The following XRCC4 variants were observed in gnomAD, a reference collection of about 807,000 sequenced individuals.
The protein encoded by XRCC4 is X-ray repair cross complementing 4.
In XRCC4, 28 loss-of-function variants were observed where a neutral mutation model predicts 39.1. The observed-to-expected ratio is 0.72, with a 90% CI of 0.53 to 0.98. The LOEUF is 0.98. XRCC4 is among the 50% of genes least tolerant of loss of function. The probability of loss-of-function intolerance (pLI) is 0.00; values close to 1 mark genes in which losing one functional copy is unlikely to be tolerated. For missense variants in XRCC4, 350 were observed against 376.4 expected (o/e 0.93, Z 0.58); for synonymous variants, 123 against 126.4 (o/e 0.97, Z 0.18).
At chr5:83,361,623 C>CTT in the XRCC4 span, among the ~76,000 whole-genome samples, 2 of 144,826 alleles carry the variant, frequency 1.4e-5, no homozygotes, top group African/African-American at 2.5e-5. Context: ...TTTTATTTTT[C>CTT]TTTTTTTTTT....
intron 3 of XRCC4, among the ~76,000 whole-genome samples, chr5:83,144,271 G>C (rs1413529101): frequency 8.8e-6 from 1 of 113,794 alleles, no homozygotes; most frequent in African/African-American, 4.9e-5. Flanking sequence ...ATTCCTCTGT[G>C]TGTGTGTGTG....
chr5:83,103,247 CTGTT>C lies in XRCC4; in HGVS notation c.-10-1658_-10-1655del, dbSNP rs987786264. 5.3e-5 allele frequency among the ~76,000 whole-genome samples: 8 copies of C among 151,830 alleles called. 1 individual carries two copies. Among genetic ancestry groups the C allele is most frequent in the African/African-American group, 1.7e-4 (7 of 41,318 alleles). On this transcript the variant is annotated intron_variant, in intron 1 of 7. Transcript: ENST00000396027. ...TAGAATTTTTATATTATGTGGTTGT[CTGTT>C]TGTTCAAGTAATGAAGTTCTTGTGC...
At chr5:83,363,193 T>G in the XRCC4 span, among the ~76,000 whole-genome samples, 2 of 151,864 alleles carry the variant, frequency 1.3e-5, no homozygotes, top group African/African-American at 4.8e-5. Context: ...ATAGATGAAG[T>G]TTGAGCTGAA....
intron 3 of XRCC4, among the ~76,000 whole-genome samples, chr5:83,144,186 T>G (rs183843611): frequency 4.3e-4 from 65 of 152,160 alleles, no homozygotes; most frequent in African/African-American, 1.5e-3. Flanking sequence ...GTTACTTCAC[T>G]TAGAATAATG....
intron 7 of XRCC4, chr5:83,310,670 T>G (rs1278945458): frequency 2.5e-6 from 1 of 406,232 alleles, no homozygotes; most frequent in African/African-American, 2.1e-5. Flanking sequence ...AATCTGTGAA[T>G]GTTAGCTTTT....
chr5:83,292,893 G>A (rs28360274), intron 7 of XRCC4, among the ~76,000 whole-genome samples: 1 of 151,852 alleles, frequency 6.6e-6, no homozygotes, highest in Admixed American at 6.6e-5. Context: ...AAAAGAAGAA[G>A]TTAAGTCTTA....
At chr5:83,219,825 G>A (rs372112578) in intron 6 of XRCC4, among the ~76,000 whole-genome samples, 117 of 152,220 alleles carry the variant, frequency 7.7e-4, no homozygotes, top group African/African-American at 2.5e-3. Flanking sequence ...AGTTAAACAC[G>A]TATTAATATC....
At chr5:83,316,885 A>G (rs1400097975) in intron 7 of XRCC4, among the ~76,000 whole-genome samples, 6 of 52,896 alleles carry the variant, frequency 1.1e-4, no homozygotes, top group African/African-American at 3.2e-4. Context: ...TCCACCCCAA[A>G]TCAACAGAAT....
intron 3 of XRCC4, among the ~76,000 whole-genome samples, chr5:83,135,870 G>C (rs1747873383): frequency 6.6e-6 from 1 of 151,656 alleles, no homozygotes; most frequent in African/African-American, 2.4e-5. Flanking sequence ...TGTTATTTTT[G>C]GTTTTGATAG....
At chr5:83,082,244 A>G (rs1318281565) in intron 1 of XRCC4, among the ~76,000 whole-genome samples, 2 of 152,190 alleles carry the variant, frequency 1.3e-5, no homozygotes, top group Non-Finnish European at 2.9e-5. Context: ...TTTAAAATAT[A>G]AATAAAAAAT....
At chr5:83,110,585 C>G (rs1327264094) in intron 2 of XRCC4, among the ~76,000 whole-genome samples, 2 of 151,936 alleles carry the variant, frequency 1.3e-5, no homozygotes, top group Non-Finnish European at 2.9e-5. Context: ...ATAGTGAGCT[C>G]CACTTTTGCT....
chr5:83,270,562 A>T (rs2112927937), intron 7 of XRCC4, among the ~76,000 whole-genome samples: 1 of 152,042 alleles, frequency 6.6e-6, no homozygotes, highest in African/African-American at 2.4e-5. Context: ...TTTTCCACAT[A>T]GTGAACTTCT....
intron 6 of XRCC4, among the ~76,000 whole-genome samples, chr5:83,243,926 T>A (rs1382365204): frequency 5.3e-5 from 8 of 152,170 alleles, no homozygotes; most frequent in Admixed American, 3.9e-4. Context: ...TTAGAATCCC[T>A]GCTGCATGCC....
chr5:83,339,900 T>C (rs751453964), intron 7 of XRCC4, among the ~76,000 whole-genome samples: 12 of 152,306 alleles, frequency 7.9e-5, no homozygotes, highest in South Asian at 2.1e-4. Flanking sequence ...AAGTTCAGCA[T>C]TACTTCTGCC....
At chr5:83,081,980 T>G (rs1412654644) in intron 1 of XRCC4, among the ~76,000 whole-genome samples, 1 of 152,152 alleles carries the variant, frequency 6.6e-6, no homozygotes, top group East Asian at 1.9e-4. Context: ...AGTTAAATCT[T>G]TGGAGTCATC....
intron 6 of XRCC4, among the ~76,000 whole-genome samples, chr5:83,231,415 G>C (rs1375373371): frequency 1.3e-5 from 2 of 152,072 alleles, no homozygotes; most frequent in African/African-American, 4.8e-5. Flanking sequence ...CCAGTGCTGT[G>C]CACACAGTAG....
rs182583294 is a variant in XRCC4, at chr5:83,194,010, T to C, written c.316-1760T>C. Among the ~76,000 whole-genome samples, 369 of 152,322 alleles carry C rather than the reference T, an allele frequency of 2.4e-3. 1 individual carries two copies. The highest frequency in any genetic ancestry group is 8.5e-3 in the African/African-American group (352 of 41,594). On this transcript the variant is annotated intron_variant, in intron 3 of 7. Transcript: ENST00000396027. Reference sequence around the variant, plus strand: ...GTGCAGTGGCACAATCTAGGCTCACTGCAACCTGTGTCTCGCGGTTCAAGC... The same window carrying C: ...GTGCAGTGGCACAATCTAGGCTCACCGCAACCTGTGTCTCGCGGTTCAAGC...
At chr5:83,124,495 A>G (rs960552947) in intron 3 of XRCC4, among the ~76,000 whole-genome samples, 4 of 152,170 alleles carry the variant, frequency 2.6e-5, no homozygotes, top group Non-Finnish European at 4.4e-5. Context: ...ATGGAATGCC[A>G]TGGATGCACC....
intron 6 of XRCC4, among the ~76,000 whole-genome samples, chr5:83,257,088 G>T (rs532100569): frequency 2.0e-5 from 3 of 152,174 alleles, no homozygotes; most frequent in South Asian, 2.1e-4. Flanking sequence ...GTCTCGTAGA[G>T]ATCAAGTAAA....
Sources: allele counts gnomAD v4.1 joint callset (sites outside exome capture counted in the v4.1 genomes callset), GRCh38; gene constraint gnomAD v4.1.1; transcripts MANE v1.5; gene names NCBI Gene and HGNC (gene_info 2026-07-23, HGNC 2026-07-21).